The following FBXL18 variants were observed in gnomAD, a reference collection of about 807,000 sequenced individuals.
FBXL18 encodes F-box/LRR-repeat protein 18.
A neutral mutation model predicts 46.0 loss-of-function variants in FBXL18; 36 were observed. The observed-to-expected ratio is 0.78, with a 90% confidence interval of 0.60 to 1.03. The LOEUF is 1.03. Ranked by LOEUF, FBXL18 falls within the 50% of genes least tolerant of loss-of-function variation. The pLI is 0.00. For missense variants in FBXL18, 977 were observed against 1,004.1 expected (o/e 0.97, Z 0.36); for synonymous variants, 557 against 465.3 (o/e 1.20, Z -2.54).
At position 5,494,782 on chromosome 7, in the gene FBXL18, G is replaced by A. The variant is rs1413846832; in HGVS notation, c.1782-3333C>T. Among the ~76,000 whole-genome samples the A allele has an allele frequency of 3.9e-5, 6 of 152,320 alleles. No individual in the cohort carries two copies. In the East Asian group the frequency reaches 7.7e-4, roughly 20 times the overall value. ...GGCGTTGGGCAAGGACGGTGCCGTC[G>A]TGTGGTCACTAGGTGGCGATGCGGC... On this transcript the variant is annotated intron_variant, in intron 3 of 4. Transcript: ENST00000382368.
intron 1 of FBXL18, among the ~76,000 whole-genome samples, chr7:5,513,414 G>A (rs1562711848): frequency 6.6e-6 from 1 of 152,166 alleles, no homozygotes; most frequent in Non-Finnish European, 1.5e-5. Flanking sequence ...GACAACTCTG[G>A]CGATCAGGAA....
At chr7:5,503,549 G>T (rs1784321335) in intron 2 of FBXL18, among the ~76,000 whole-genome samples, 1 of 151,094 alleles carries the variant, frequency 6.6e-6, no homozygotes, top group Admixed American at 6.6e-5. Flanking sequence ...TTGTACAGAT[G>T]GAGTTTCACC....
At chr7:5,503,259 C>T (rs930187551) in intron 2 of FBXL18, among the ~76,000 whole-genome samples, 2 of 152,238 alleles carry the variant, frequency 1.3e-5, no homozygotes, top group Non-Finnish European at 2.9e-5. Context: ...TGGCGCACAC[C>T]TGTGGTCCCA....
chr7:5,484,598 T>C (rs1163168583), intron 4 of FBXL18, among the ~76,000 whole-genome samples: 3 of 151,336 alleles, frequency 2.0e-5, no homozygotes, highest in South Asian at 4.2e-4. Flanking sequence ...CTGAAGCCAG[T>C]AGCTGGGACC....
At chr7:5,502,976 C>G (rs756167869) in intron 2 of FBXL18, among the ~76,000 whole-genome samples, 42 of 152,228 alleles carry the variant, frequency 2.8e-4, no homozygotes, top group African/African-American at 1.0e-3. Flanking sequence ...TGCCTGTTCA[C>G]TGCAACAGAT....
In FBXL18 at chr7:5,484,787, C is replaced by T. The variant is rs548042175; in HGVS notation, c.2001-2856G>A. Among the ~76,000 whole-genome samples the T allele has an allele frequency of 7.2e-5, 11 of 151,778 alleles. No individual in the cohort carries two copies. The South Asian group carries it at 1.9e-3, about 26-fold the overall frequency. Reference sequence around the variant, plus strand: ...CCAAGCAGCCAGGATTACAGGTGCCCGCCACCATGCCTGGCTAATTTTTGT... The same window carrying T: ...CCAAGCAGCCAGGATTACAGGTGCCTGCCACCATGCCTGGCTAATTTTTGT... On this transcript the variant is annotated intron_variant, in intron 4 of 4. Coordinates refer to ENST00000382368, the MANE Select transcript of FBXL18 (RefSeq NM_024963.6).
chr7:5,470,697 CCCGGGGGGGAGATGTCCCCTT>C (rs1434620728), intron 4 of FBXL18, among the ~76,000 whole-genome samples: 4 of 13,728 alleles, frequency 2.9e-4, no homozygotes, highest in Non-Finnish European at 1.2e-4. Flanking sequence ...CCCTCCCCTT[CCCGGGGGGGAGATGTCCCCTT>C]CCCGGGGGGG....
intron 4 of FBXL18, chr7:5,490,068 C>A: frequency 7.4e-7 from 1 of 1,355,812 alleles, no homozygotes; most frequent in Non-Finnish European, 9.8e-7. Context: ...CTGAGACAGC[C>A]AGCGGCCGAC....
rs1198967234 is a variant in FBXL18 at position 5,477,018 on chromosome 7, G to C, written c.*4757C>G. The stretch of plus-strand genomic sequence containing the variant: ...TTCTCCTGCCTCAGCCTCCTGAGTG[G>C]CTGGGACCACAGGCGCCCGCCACCA... On this transcript the variant is annotated 3_prime_UTR_variant, in exon 5 of 5. Coordinates refer to ENST00000382368, the MANE Select transcript of FBXL18 (RefSeq NM_024963.6). This position sits in a 1 kb window ranked among gnomAD's most constrained non-coding sequence, Gnocchi z 4.4. 6.6e-6 allele frequency: 1 copy of C among 152,182 alleles called. No homozygotes were observed. 9.4% of individuals were successfully genotyped at this position (152,182 alleles called of 1,614,324 possible). A position where few individuals can be genotyped will look rare whatever the true frequency, so the allele number is the denominator to read the frequency against.
chr7:5,473,528 A>G (rs1562677380), downstream of FBXL18, among the ~76,000 whole-genome samples: 1 of 152,116 alleles, frequency 6.6e-6, no homozygotes, highest in Non-Finnish European at 1.5e-5. Context: ...TTGGGAGGCC[A>G]AGGTGGGTGG....
Position 5,455,243 on chromosome 7 carries a change from TG to T in FBXL18, c.2001-7401del, listed in dbSNP as rs936625769. On this transcript the variant is annotated intron_variant and NMD_transcript_variant, in intron 4 of 6. Coordinates refer to the FBXL18 transcript ENST00000415009. This position sits in a 1 kb window ranked among gnomAD's most constrained non-coding sequence, Gnocchi z 4.6. The stretch of plus-strand genomic sequence containing the variant: ...TGGGAGCATATCTGGGGAGCACTCT[TG>T]GGGGGGAACATATCTGGGGAGCAGT... 1.3e-5 allele frequency among the ~76,000 whole-genome samples: 2 copies of T among 151,030 alleles called. No individual in the cohort carries two copies. The highest frequency in any genetic ancestry group is 2.4e-5 in the African/African-American group (1 of 41,064).
chr7:5,488,715 G>T (rs1256466724), intron 4 of FBXL18, among the ~76,000 whole-genome samples: 1 of 152,232 alleles, frequency 6.6e-6, no homozygotes, highest in Non-Finnish European at 1.5e-5. Context: ...AGCCGCAAGC[G>T]CAAGCGTATG....
rs757464102 is a variant in FBXL18, at chr7:5,481,910, C to T, written c.2022G>A (p.Ala674=). The T allele has an allele frequency of 1.2e-5, 20 of 1,610,072 alleles. No individual in the cohort carries two copies. Among genetic ancestry groups the T allele is most frequent in the Middle Eastern group, 1.7e-4 (1 of 6,030 alleles). ...LLRSFQAERP[A]LNVVIFPLLH... is the part of the protein sequence containing the mutation. ...GCAGAGGGAAGATGACGACGTTTAA[C>T]GCGGGCCGCTCGGCCTGGAAGCTGA... Residue 674 remains alanine, a synonymous_variant, in exon 5 of 5, where the codon GCG becomes GCA. Coordinates refer to ENST00000382368, the MANE Select transcript of FBXL18 (RefSeq NM_024963.6).
chr7:5,493,268 G>A (rs4573164), intron 3 of FBXL18, among the ~76,000 whole-genome samples: 66,735 of 152,008 alleles, frequency 0.44, 15,015 homozygotes, highest in East Asian at 0.66. Context: ...CCAGGACTTC[G>A]AGGCTGCAGT....
chr7:5,467,417 G>A (rs1021321480), intron 4 of FBXL18, among the ~76,000 whole-genome samples: 4 of 151,212 alleles, frequency 2.6e-5, no homozygotes, highest in African/African-American at 7.3e-5. Flanking sequence ...GTGGTGGTGG[G>A]CACCTATAAT....
chr7:5,501,722 G>A lies in FBXL18; in HGVS notation c.547C>T (p.Pro183Ser). Reference sequence around the variant, plus strand: ...CAGCAGGGCACCACGCCGTAGGAGGGAGTGAACAGCGTCTGCTTGAGCTCC... The same window carrying A: ...CAGCAGGGCACCACGCCGTAGGAGGAAGTGAACAGCGTCTGCTTGAGCTCC... ...VRELKQTLFT[P>S]SYGVVPCCTS... Residue 183 changes from proline to serine, a missense_variant, in exon 3 of 5, where the codon CCC becomes TCC. Pro to Ser is a moderately conservative substitution (Grantham distance 74). Coordinates refer to ENST00000382368, the MANE Select transcript of FBXL18 (RefSeq NM_024963.6). 1 of 1,581,082 alleles carries A rather than the reference G, an allele frequency of 6.3e-7. No individual in the cohort carries two copies. Among genetic ancestry groups the A allele is most frequent in the Non-Finnish European group, 8.6e-7 (1 of 1,163,160 alleles).
chr7:5,474,076 C>T (rs890530860), downstream of FBXL18, among the ~76,000 whole-genome samples: 1 of 152,126 alleles, frequency 6.6e-6, no homozygotes, highest in Non-Finnish European at 1.5e-5. Context: ...GGATTACAGG[C>T]GTGAGCCATT....
downstream of FBXL18, among the ~76,000 whole-genome samples, chr7:5,474,311 T>A (rs1313842082): frequency 7.7e-5 from 3 of 39,100 alleles, no homozygotes; most frequent in African/African-American, 1.6e-4. Context: ...GTGCAGTTCG[T>A]TTTTTTTTTT....
rs1448269875 is a variant in FBXL18 at position 5,501,702 on chromosome 7, G to A, written c.567C>T (p.Pro189=). Residue 189 remains proline, a synonymous_variant, in exon 3 of 5, where the codon CCC becomes CCT. Transcript: ENST00000382368. ...TLFTPSYGVV[P]CCTSLEKLLL... Reference sequence around the variant, plus strand: ...GCAGCTTCTCTAGGCTGGTGCAGCAGGGCACCACGCCGTAGGAGGGAGTGA... The same window carrying A: ...GCAGCTTCTCTAGGCTGGTGCAGCAAGGCACCACGCCGTAGGAGGGAGTGA... 1 of 1,598,274 alleles carries A rather than the reference G, an allele frequency of 6.3e-7. No individual in the cohort carries two copies. The highest frequency in any genetic ancestry group is 8.5e-7 in the Non-Finnish European group (1 of 1,172,248).
Sources: allele counts gnomAD v4.1 joint callset (sites outside exome capture counted in the v4.1 genomes callset), GRCh38; gene constraint gnomAD v4.1.1; non-coding constraint Gnocchi (gnomAD v3.1); transcripts MANE v1.5; gene names NCBI Gene and HGNC (gene_info 2026-07-23, HGNC 2026-07-21).